Variants in CREBBP observed in about 807,000 individuals in gnomAD.
The protein encoded by CREBBP is CREB-binding protein.
Under a neutral mutation model 265.0 loss-of-function variants are expected in CREBBP, and 19 were observed. The ratio of observed to expected loss-of-function variants is 0.07; its 90% CI spans 0.05 to 0.11. The LOEUF (loss-of-function observed/expected upper bound fraction) is 0.11. Among genes scored for constraint, CREBBP ranks in the 10% least tolerant of loss-of-function variants. The pLI is 1.00. For missense variants in CREBBP, 2,525 were observed against 3,219.0 expected (o/e 0.78, Z 5.22); for synonymous variants, 1,457 against 1,223.7 (o/e 1.19, Z -3.98).
At chr16:3,848,865 G>A (rs1478993383) in intron 2 of CREBBP, among the ~76,000 whole-genome samples, 2 of 152,048 alleles carry the variant, frequency 1.3e-5, no homozygotes, top group Admixed American at 6.5e-5. Context: ...TTAAGTTCAC[G>A]TTCCTCTCTA....
intron 28 of CREBBP, among the ~76,000 whole-genome samples, chr16:3,732,734 CTT>C (rs1054533788): frequency 1.3e-5 from 2 of 151,886 alleles, no homozygotes; most frequent in East Asian, 3.9e-4. Context: ...GAGTCTCGCT[CTT>C]GTCACCCAAG....
chr16:3,736,503 A>G, intron 27 of CREBBP, 147 bp downstream of exon 27: 1 of 1,214,602 alleles, frequency 8.2e-7, no homozygotes, highest in South Asian at 1.3e-5. Flanking sequence ...AAATGCTTCT[A>G]AGTTCTCACT....
chr16:3,736,273 C>G, intron 27 of CREBBP, 70 bp from the exon 28 acceptor site: 1 of 1,510,384 alleles, frequency 6.6e-7, no homozygotes, highest in South Asian at 1.1e-5. Context: ...TGCGACAGAC[C>G]CCCACGCAAG....
intron 1 of CREBBP, among the ~76,000 whole-genome samples, chr16:3,863,111 T>C (rs948566564): frequency 6.6e-6 from 1 of 152,228 alleles, no homozygotes; most frequent in African/African-American, 2.4e-5. Context: ...AGGGAAATAC[T>C]GATTTATCAA....
Position 3,800,835 on chromosome 16 carries a change from G to C in CREBBP, c.976-7209C>G, listed in dbSNP as rs910056935. 5.8e-4 allele frequency among the ~76,000 whole-genome samples: 89 copies of C among 152,356 alleles called. 1 individual carries two copies. The highest frequency in any genetic ancestry group is 1.9e-3 in the African/African-American group (80 of 41,586). ...ACAATTAAATAGGTGTGAGAGGCTA[G>C]ATTACATAAAGACTGGCATTCTTTC... On this transcript the variant is annotated intron_variant, in intron 3 of 30. Coordinates refer to ENST00000262367, the MANE Select transcript of CREBBP (RefSeq NM_004380.3).
chr16:3,730,540 C>A (rs941305625), intron 30 of CREBBP: 2 of 158,220 alleles, frequency 1.3e-5, no homozygotes, highest in Non-Finnish European at 2.8e-5. Context: ...ATGAAAACTG[C>A]CGCATTCAGA....
At chr16:3,785,321 G>C (rs989062263) in intron 5 of CREBBP, among the ~76,000 whole-genome samples, 1 of 152,236 alleles carries the variant, frequency 6.6e-6, no homozygotes, top group Non-Finnish European at 1.5e-5. Flanking sequence ...GACAGACTCA[G>C]TGAGTACACT....
intron 1 of CREBBP, among the ~76,000 whole-genome samples, chr16:3,863,926 G>C (rs962364308): frequency 3.3e-5 from 5 of 152,132 alleles, no homozygotes; most frequent in Admixed American, 1.3e-4. Flanking sequence ...GAGCAAAAAC[G>C]GGTTGTTTAC....
At chr16:3,787,461 C>T (rs899130538) in intron 5 of CREBBP, among the ~76,000 whole-genome samples, 3 of 152,222 alleles carry the variant, frequency 2.0e-5, no homozygotes, top group Non-Finnish European at 2.9e-5. Flanking sequence ...GATTCTGCTC[C>T]TTGCTGTCCC....
chr16:3,791,717 T>C (rs2053511594), intron 5 of CREBBP, among the ~76,000 whole-genome samples: 2 of 152,224 alleles, frequency 1.3e-5, no homozygotes, highest in South Asian at 2.1e-4. Flanking sequence ...TGCTGTTCCA[T>C]GCTGCTTCAA....
chr16:3,790,449 ACCG>A (rs1172641322), intron 5 of CREBBP, among the ~76,000 whole-genome samples: 1 of 128,738 alleles, frequency 7.8e-6, no homozygotes, highest in Non-Finnish European at 1.5e-5. Context: ...ATCTCGGCTC[ACCG>A]CAACCTCCAC....
At chr16:3,828,903 C>T (rs2054290028) in intron 2 of CREBBP, among the ~76,000 whole-genome samples, 1 of 152,194 alleles carries the variant, frequency 6.6e-6, no homozygotes, top group Admixed American at 6.5e-5. Context: ...TTGCAAAGCA[C>T]CCAGCACAGT....
In CREBBP at chr16:3,726,020, G is replaced by A. The variant is rs1176093113; in HGVS notation, c.*1698C>T. On this transcript the variant is annotated 3_prime_UTR_variant, in exon 31 of 31. Coordinates refer to ENST00000262367, the MANE Select transcript of CREBBP (RefSeq NM_004380.3). ...GGGAGCCTGGAACTGGACTCCAAGG[G>A]AGGCAGGACCATGTGGCTAAGTGCA... 2 of 233,124 alleles carry A rather than the reference G, an allele frequency of 8.6e-6. No individual in the cohort carries two copies. The highest frequency in any genetic ancestry group is 4.4e-5 in the African/African-American group (2 of 45,332). The allele number at this position is 233,124 out of a possible 1,614,324, so 14.4% of individuals were successfully genotyped here.
At chr16:3,841,573 C>T (rs752165115) in intron 2 of CREBBP, among the ~76,000 whole-genome samples, 6 of 152,000 alleles carry the variant, frequency 3.9e-5, no homozygotes, top group Non-Finnish European at 7.4e-5. Context: ...CCCAGGAGTT[C>T]GAGGCTGCAG....
chr16:3,815,571 G>C (rs976891296), intron 2 of CREBBP, among the ~76,000 whole-genome samples: 12 of 124,174 alleles, frequency 9.7e-5, no homozygotes, highest in Non-Finnish European at 1.2e-4. Context: ...TTTTTGTAAA[G>C]CTGGCTTTAT....
At chr16:3,879,075 T>C (rs1431429060) in intron 1 of CREBBP, among the ~76,000 whole-genome samples, 1 of 152,122 alleles carries the variant, frequency 6.6e-6, no homozygotes, top group Non-Finnish European at 1.5e-5. Flanking sequence ...CAAACTCAAA[T>C]GGAGATTGCA....
In CREBBP at chr16:3,739,665, G is replaced by A. The variant is rs2151337253; in HGVS notation, c.4193C>T (p.Ala1398Val). ...SFPYRTKALF[A>V]FEEIDGVDVC... Reference sequence around the variant, plus strand: ...ATCCACGCCGTCAATTTCCTCAAAAGCAAACAGAGCTTTGGTTCGATATGG... The same window carrying A: ...ATCCACGCCGTCAATTTCCTCAAAAACAAACAGAGCTTTGGTTCGATATGG... The change falls in exon 25 of 31, where the codon GCT becomes GTT. Residue 1398 changes from alanine to valine, a missense_variant. Ala to Val is a moderately conservative substitution (Grantham distance 64). Coordinates refer to ENST00000262367, the MANE Select transcript of CREBBP (RefSeq NM_004380.3). The A allele has an allele frequency of 6.2e-7, 1 of 1,614,218 alleles. No homozygotes were observed. Among genetic ancestry groups the A allele is most frequent in the Non-Finnish European group, 8.5e-7 (1 of 1,180,036 alleles).
chr16:3,818,567 G>A (rs543514933), intron 2 of CREBBP, among the ~76,000 whole-genome samples: 1 of 152,010 alleles, frequency 6.6e-6, no homozygotes, highest in Non-Finnish European at 1.5e-5. Flanking sequence ...CAAGTGATCC[G>A]CCTGCCTTGG....
At chr16:3,746,855 G>A (rs573796488) in intron 21 of CREBBP, among the ~76,000 whole-genome samples, 75 of 152,194 alleles carry the variant, frequency 4.9e-4, no homozygotes, top group Non-Finnish European at 9.6e-4. Flanking sequence ...TGAGCTGGGA[G>A]GACTGCTTGG....
Sources: allele counts gnomAD v4.1 joint callset (sites outside exome capture counted in the v4.1 genomes callset), GRCh38; gene constraint gnomAD v4.1.1; transcripts MANE v1.5; gene names NCBI Gene and HGNC (gene_info 2026-07-23, HGNC 2026-07-21).